The following MSN variants were observed in gnomAD, a reference collection of about 807,000 sequenced individuals.
MSN encodes epididymis luminal protein 70.
A neutral mutation model predicts 48.0 loss-of-function variants in MSN; 2 were observed. The ratio of observed to expected loss-of-function variants is 0.04; its 90% CI spans 0.02 to 0.13. The LOEUF (loss-of-function observed/expected upper bound fraction) is 0.13. MSN is among the 10% of genes least tolerant of loss of function. MSN has a pLI of 1.00. For missense variants in MSN, 267 were observed against 470.1 expected (o/e 0.57, Z 3.99); for synonymous variants, 146 against 166.9 (o/e 0.87, Z 0.97).
At chrX:65,692,661 T>C (rs2071185646) in intron 1 of MSN, among the ~76,000 whole-genome samples, 1 of 112,108 alleles carries the variant, frequency 8.9e-6, no homozygotes, top group African/African-American at 3.2e-5. Flanking sequence ...ACATTTTTTG[T>C]TTGTTTGTTG....
intron 1 of MSN, among the ~76,000 whole-genome samples, chrX:65,674,709 T>G (rs774583755): frequency 2.5e-4 from 28 of 111,931 alleles, no homozygotes; most frequent in Non-Finnish European, 4.7e-4. Context: ...ATTGTTTGAA[T>G]GCAGACTAGA....
intron 1 of MSN, among the ~76,000 whole-genome samples, chrX:65,688,660 C>T (rs757851379): frequency 1.8e-5 from 2 of 111,948 alleles, no homozygotes; most frequent in African/African-American, 6.5e-5. Flanking sequence ...AGTGGTTGCC[C>T]AACCTCTTTT....
At chrX:65,635,010 G>A (rs1272933472) in intron 1 of MSN, among the ~76,000 whole-genome samples, 1 of 112,079 alleles carries the variant, frequency 8.9e-6, no homozygotes, top group Non-Finnish European at 1.9e-5. Context: ...AAATAATTGA[G>A]GCTCCTTTTT....
chrX:65,607,718 C>T (rs1002069672), intron 1 of MSN, among the ~76,000 whole-genome samples: 2 of 111,253 alleles, frequency 1.8e-5, no homozygotes, highest in African/African-American at 6.5e-5. Context: ...CTATTCCAGA[C>T]CATTCCCTGC....
At chrX:65,698,663 G>A (rs1164727450) in intron 1 of MSN, among the ~76,000 whole-genome samples, 1 of 112,114 alleles carries the variant, frequency 8.9e-6, no homozygotes, top group Non-Finnish European at 1.9e-5. Flanking sequence ...AAAGAGGGTG[G>A]GGCGCCGGCC....
chrX:65,722,581 C>A (rs1401915216), intron 2 of MSN, among the ~76,000 whole-genome samples: 1 of 110,065 alleles, frequency 9.1e-6, no homozygotes, highest in African/African-American at 3.3e-5. Flanking sequence ...CCCACACCAG[C>A]TATCTTTTTG....
At chrX:65,632,541 C>T (rs1258508860) in intron 1 of MSN, among the ~76,000 whole-genome samples, 1 of 112,242 alleles carries the variant, frequency 8.9e-6, no homozygotes, top group African/African-American at 3.2e-5. Context: ...ATTTTACATT[C>T]CCAACAACAA....
chrX:65,682,898 C>T lies in MSN; in HGVS notation c.12+15045C>T, dbSNP rs113343613. Among the ~76,000 whole-genome samples, 833 of 111,859 alleles carry T rather than the reference C, an allele frequency of 7.4e-3. 11 individuals carry two copies. The highest frequency in any genetic ancestry group is 0.026 in the African/African-American group (787 of 30,756). ...CTGGCAGAATGGAACAGGGTAGCACCGGGGAATGGGAAGGCATTGTCTCTC... is the reference window on the plus strand; with the variant it reads ...CTGGCAGAATGGAACAGGGTAGCACTGGGGAATGGGAAGGCATTGTCTCTC... On this transcript the variant is annotated intron_variant, in intron 1 of 12. Coordinates refer to ENST00000360270, the MANE Select transcript of MSN (RefSeq NM_002444.3).
chrX:65,610,990 T>C (rs1348984738), intron 1 of MSN, among the ~76,000 whole-genome samples: 1 of 111,315 alleles, frequency 9.0e-6, no homozygotes, highest in Non-Finnish European at 1.9e-5. Flanking sequence ...TCTTTTCATC[T>C]TGCAAAATTG....
At chrX:65,716,449 T>TA (rs2071465549) in intron 1 of MSN, 1 of 253,063 alleles carries the variant, frequency 4.0e-6, no homozygotes. Flanking sequence ...ATAATTTTTG[T>TA]ATTTTTAGTA....
intron 1 of MSN, among the ~76,000 whole-genome samples, chrX:65,675,383 C>T (rs1455205512): frequency 9.0e-6 from 1 of 110,822 alleles, no homozygotes; most frequent in Non-Finnish European, 1.9e-5. Flanking sequence ...GGAGCAGTGG[C>T]CGTTCTGGGT....
chrX:65,590,712 C>T (rs981799101), intron 1 of MSN, among the ~76,000 whole-genome samples: 3 of 110,995 alleles, frequency 2.7e-5, no homozygotes, highest in Admixed American at 9.6e-5. Context: ...ACACTGTTTG[C>T]CATGTGTACC....
intron 1 of MSN, among the ~76,000 whole-genome samples, chrX:65,646,585 C>G (rs758012358): frequency 5.9e-4 from 66 of 111,943 alleles, no homozygotes; most frequent in African/African-American, 2.1e-3. Flanking sequence ...AAACAAAAAC[C>G]TGATCAAGTC....
At chrX:65,598,618 C>T (rs2070205865) in intron 1 of MSN, among the ~76,000 whole-genome samples, 1 of 111,547 alleles carries the variant, frequency 9.0e-6, no homozygotes, top group African/African-American at 3.3e-5. Flanking sequence ...TGTTCATAGT[C>T]ACACAGCAAG....
chrX:65,696,048 A>G (rs185423466), intron 1 of MSN, among the ~76,000 whole-genome samples: 25 of 109,046 alleles, frequency 2.3e-4, no homozygotes, highest in Non-Finnish European at 4.4e-4. Context: ...CTGCCTTCTC[A>G]CCTCCCCTTG....
chrX:65,606,099 T>C (rs7058583), intron 1 of MSN, among the ~76,000 whole-genome samples: 13,653 of 107,427 alleles, frequency 0.13, 2,246 homozygotes, highest in African/African-American at 0.44. Flanking sequence ...TGCACCACCA[T>C]ACCGAGGATT....
intron 1 of MSN, among the ~76,000 whole-genome samples, chrX:65,614,387 G>C (rs765520978): frequency 9.1e-6 from 1 of 110,262 alleles, no homozygotes; most frequent in Non-Finnish European, 1.9e-5. Flanking sequence ...ATTTAAAGTA[G>C]TTTTTTTTCT....
At chrX:65,706,494 C>A (rs1201480030) in intron 1 of MSN, among the ~76,000 whole-genome samples, 1 of 111,925 alleles carries the variant, frequency 8.9e-6, no homozygotes, top group East Asian at 2.8e-4. Flanking sequence ...GAAATGAGGT[C>A]ATTGAGCTCA....
chrX:65,716,878 A>G lies in MSN; in HGVS notation c.73A>G (p.Thr25Ala), dbSNP rs760735957. Residue 25 changes from threonine (T) to alanine (A), a missense_variant, in exon 2 of 13, where the codon ACC (threonine) becomes GCC (alanine). This residue lies in a region of MSN where 89 missense variants were observed against 151.0 expected (regional missense o/e 0.59). Coordinates refer to ENST00000360270, the MANE Select transcript of MSN (RefSeq NM_002444.3). ...GGAGTTTGCCATCCAGCCCAACACC[A>G]CCGGGAAGCAGCTATTTGACCAGGT... ...ELEFAIQPNT[T>A]GKQLFDQVVK... 8.3e-7 allele frequency: 1 copy of G among 1,210,082 alleles called. No individual in the cohort carries two copies. The highest frequency in any genetic ancestry group is 1.1e-6 in the Non-Finnish European group (1 of 894,978).
Sources: allele counts gnomAD v4.1 joint callset (sites outside exome capture counted in the v4.1 genomes callset), GRCh38; gene constraint gnomAD v4.1.1; regional missense constraint gnomAD v4.1.1; transcripts MANE v1.5; gene names NCBI Gene and HGNC (gene_info 2026-07-23, HGNC 2026-07-21).